The following KIAA1143 variants were observed in gnomAD, a reference collection of about 807,000 sequenced individuals.
KIAA1143 encodes uncharacterized protein KIAA1143.
In KIAA1143, 8 loss-of-function variants were observed where a neutral mutation model predicts 17.0. The ratio of observed to expected loss-of-function variants is 0.47; its 90% CI spans 0.28 to 0.85. KIAA1143 has a LOEUF of 0.85. Ranked by LOEUF, KIAA1143 falls within the 40% of genes least tolerant of loss-of-function variation. The pLI is 0.12. For missense variants in KIAA1143, 162 were observed against 183.3 expected (o/e 0.88, Z 0.67); for synonymous variants, 64 against 67.8 (o/e 0.94, Z 0.27).
chr3:44,754,973 T>C (rs1030987676), intron 1 of KIAA1143, among the ~76,000 whole-genome samples: 2 of 152,162 alleles, frequency 1.3e-5, no homozygotes, highest in Non-Finnish European at 2.9e-5. Context: ...AAACATAAAG[T>C]ACAGAGAATA....
At chr3:44,760,076 T>C (rs2125881664) in intron 1 of KIAA1143, among the ~76,000 whole-genome samples, 1 of 152,224 alleles carries the variant, frequency 6.6e-6, no homozygotes, top group South Asian at 2.1e-4. Flanking sequence ...TTAAACCTCA[T>C]GAACCAACCT....
intron 1 of KIAA1143, among the ~76,000 whole-genome samples, chr3:44,758,398 C>T (rs1184595205): frequency 6.6e-6 from 1 of 152,160 alleles, no homozygotes; most frequent in Non-Finnish European, 1.5e-5. Context: ...GGAATCAGTC[C>T]TCTTAAACCT....
chr3:44,752,000 G>A lies in KIAA1143; in HGVS notation c.*1341C>T, dbSNP rs1704898081. On this transcript the variant is annotated 3_prime_UTR_variant, in exon 3 of 3. Coordinates refer to ENST00000296121, the MANE Select transcript of KIAA1143 (RefSeq NM_020696.4). The stretch of plus-strand genomic sequence containing the variant: ...GTCTCTCAGGGGGAAAATGAGGCAG[G>A]AGAATAGGGTCTGGAGACAGGGAAC... 1.3e-5 allele frequency: 2 copies of A among 151,766 alleles called. No homozygotes were observed. 9.4% of individuals were successfully genotyped at this position (151,766 alleles called of 1,614,324 possible). A position where few individuals can be genotyped will look rare whatever the true frequency, so the allele number is the denominator to read the frequency against.
rs531778934 is a variant in KIAA1143, at chr3:44,753,424, G to A, written c.382C>T (p.Gln128Ter). 25 of 1,594,898 alleles carry A rather than the reference G, an allele frequency of 1.6e-5. 1 individual carries two copies. The South Asian group carries it at 2.6e-4, about 17-fold the overall frequency. Residue 128 changes from glutamine to a stop codon, truncating the protein, a stop_gained, in exon 3 of 3, where the codon CAG becomes TAG. Transcript: ENST00000296121. LOFTEE classifies it high-confidence loss of function. ...KKKPNEDEVN[Q>*]DSVKKNSQKQ... ...TGTGAGTTCTTTTTGACCGAGTCCTGATTTACTTCATCTTCATTTGGCTTC... is the reference window on the plus strand; with the variant it reads ...TGTGAGTTCTTTTTGACCGAGTCCTAATTTACTTCATCTTCATTTGGCTTC...
At chr3:44,756,315 C>G (rs1382454878) in intron 1 of KIAA1143, among the ~76,000 whole-genome samples, 1 of 152,190 alleles carries the variant, frequency 6.6e-6, no homozygotes, top group Non-Finnish European at 1.5e-5. Context: ...AATCCCAGCA[C>G]TCTGGGAGGC....
At chr3:44,759,068 T>C (rs776687156) in intron 1 of KIAA1143, among the ~76,000 whole-genome samples, 5 of 152,158 alleles carry the variant, frequency 3.3e-5, no homozygotes, top group Non-Finnish European at 7.4e-5. Context: ...CTCACCATGT[T>C]GGCCAGGCTG....
intron 1 of KIAA1143, among the ~76,000 whole-genome samples, chr3:44,760,340 TC>T (rs1310499225): frequency 6.6e-6 from 1 of 152,244 alleles, no homozygotes; most frequent in Non-Finnish European, 1.5e-5. Context: ...TTCCTGAAGC[TC>T]CTCTTCTTCT....
At chr3:44,754,146 C>A in intron 2 of KIAA1143, 78 bp downstream of exon 2, 2 of 1,461,280 alleles carry the variant, frequency 1.4e-6, no homozygotes, top group East Asian at 2.3e-5. Flanking sequence ...AAACACACCA[C>A]ACTACTAAAT....
chr3:44,759,434 C>A (rs2125881101), intron 1 of KIAA1143, among the ~76,000 whole-genome samples: 2 of 152,186 alleles, frequency 1.3e-5, no homozygotes, highest in Middle Eastern at 6.8e-3. Flanking sequence ...TTTTGTTTTT[C>A]CATTTCTAGA....
At chr3:44,757,087 G>C (rs536607833) in intron 1 of KIAA1143, among the ~76,000 whole-genome samples, 2 of 152,136 alleles carry the variant, frequency 1.3e-5, no homozygotes, top group Admixed American at 1.3e-4. Context: ...ACTTGGAAAG[G>C]ATTCCCGAAG....
In KIAA1143 at chr3:44,761,597, G is replaced by T; in HGVS notation, c.6C>A (p.Ser2Arg). M[S>R]KRNQVSYVRP... ...GCACGTACGATACCTGGTTCCGCTT[G>T]CTCATGGTAGCTCTGGGTAAAGACA... Residue 2 changes from serine to arginine, a missense_variant, in exon 1 of 3, where the codon AGC becomes AGA. By Grantham distance (110) the Ser-to-Arg change is moderately radical. Transcript: ENST00000296121. 3 of 1,595,660 alleles carry T rather than the reference G, an allele frequency of 1.9e-6. No individual in the cohort carries two copies. Among genetic ancestry groups the T allele is most frequent in the Non-Finnish European group, 2.6e-6 (3 of 1,175,154 alleles).
chr3:44,751,093 T>C lies in KIAA1143; in HGVS notation c.*2248A>G, dbSNP rs989011951. The C allele has an allele frequency of 3.3e-5, 5 of 151,830 alleles. No homozygotes were observed. Among genetic ancestry groups the C allele is most frequent in the African/African-American group, 1.2e-4 (5 of 41,362 alleles). 9.4% of individuals were successfully genotyped at this position (151,830 alleles called of 1,614,324 possible). On this transcript the variant is annotated 3_prime_UTR_variant, in exon 3 of 3. Transcript: ENST00000296121. ...AGCAAAGCCAATCTAGGAGAGTCTATATGGACAATGATTCTTGTTGCACTT... is the reference window on the plus strand; with the variant it reads ...AGCAAAGCCAATCTAGGAGAGTCTACATGGACAATGATTCTTGTTGCACTT...
chr3:44,753,908 A>G (rs537454327), intron 2 of KIAA1143, among the ~76,000 whole-genome samples: 36 of 152,346 alleles, frequency 2.4e-4, no homozygotes, highest in African/African-American at 7.9e-4. Context: ...TCAGGCAGTA[A>G]TGAAATACAC....
At chr3:44,754,067 A>G (rs1478359225) in intron 2 of KIAA1143, among the ~76,000 whole-genome samples, 157 bp downstream of exon 2, 2 of 152,206 alleles carry the variant, frequency 1.3e-5, no homozygotes, top group African/African-American at 4.8e-5. Flanking sequence ...GAGAGGTGTA[A>G]TAACTTGCTC....
chr3:44,761,446 G>A (rs764515288), intron 1 of KIAA1143, 49 bp downstream of exon 1: 1 of 1,456,828 alleles, frequency 6.9e-7, no homozygotes, highest in Admixed American at 1.9e-5. Context: ...AAAGTTGAAA[G>A]TGGCGGGCTG....
At chr3:44,754,135 G>T in intron 2 of KIAA1143, 89 bp downstream of exon 2, 2 of 1,398,466 alleles carry the variant, frequency 1.4e-6, no homozygotes, top group South Asian at 1.3e-5. Context: ...CTGCCACCTT[G>T]AAACACACCA....
rs1037467884 is a variant in KIAA1143 at position 44,751,691 on chromosome 3, T to C, written c.*1650A>G. On this transcript the variant is annotated 3_prime_UTR_variant, in exon 3 of 3. Transcript: ENST00000296121. Reference sequence around the variant, plus strand: ...TTGGCCAGCCCATTATTAATGATTATATTTGCCTTGGTTTTTGGACCATAT... The same window carrying C: ...TTGGCCAGCCCATTATTAATGATTACATTTGCCTTGGTTTTTGGACCATAT... The C allele has an allele frequency of 6.6e-6, 1 of 152,220 alleles. No individual in the cohort carries two copies. The highest frequency in any genetic ancestry group is 2.4e-5 in the African/African-American group (1 of 41,444). 9.4% of individuals were successfully genotyped at this position (152,220 alleles called of 1,614,324 possible).
At chr3:44,761,433 G>T in intron 1 of KIAA1143, 62 bp downstream of exon 1, 1 of 1,376,752 alleles carries the variant, frequency 7.3e-7, no homozygotes, top group Non-Finnish European at 1.0e-6. Flanking sequence ...CCAAGTAGAG[G>T]CAAAAGTTGA....
At chr3:44,760,810 G>A (rs1468764760) in intron 1 of KIAA1143, among the ~76,000 whole-genome samples, 3 of 151,736 alleles carry the variant, frequency 2.0e-5, no homozygotes, top group African/African-American at 7.3e-5. Flanking sequence ...AGCCTCCGGA[G>A]TAGCTGGGAC....
Sources: gnomAD v4.1 joint callset for allele counts (sites outside exome capture counted in the v4.1 genomes callset) on GRCh38, gnomAD v4.1.1 for gene constraint, MANE v1.5 for transcripts, NCBI Gene and HGNC (gene_info 2026-07-23, HGNC 2026-07-21) for gene names.